Variants in SPAM1 observed in about 807,000 individuals in gnomAD.
SPAM1 encodes the protein hyaluronidase PH-20.
In SPAM1, 22 loss-of-function variants were observed where a neutral mutation model predicts 29.6. The ratio of observed to expected loss-of-function variants is 0.74; its 90% CI spans 0.53 to 1.06. The LOEUF is 1.06. SPAM1 is among the 50% of genes least tolerant of loss of function. The pLI is 0.00. For synonymous variants in SPAM1, 194 were observed against 204.6 expected (o/e 0.95, Z 0.44); for missense variants, 534 against 604.0 (o/e 0.88, Z 1.21).
chr7:123,942,203 T>C (rs1808451985), intron 1 of SPAM1, among the ~76,000 whole-genome samples: 1 of 152,156 alleles, frequency 6.6e-6, no homozygotes, highest in African/African-American at 2.4e-5. Flanking sequence ...AAAAGAGGAA[T>C]AGAAGAAAAA....
rs755330330 is a variant in SPAM1, at chr7:123,953,567, T to C, written c.-4T>C. ...AAATGTTTTCATAGTCATTACTCTT[T>C]ACAATGGGAGTGCTAAAATTCAAGC... On this transcript the variant is annotated 5_prime_UTR_variant, in exon 3 of 5. Transcript: ENST00000682466. The C allele has an allele frequency of 3.8e-6, 6 of 1,566,640 alleles. No homozygotes were observed. In the South Asian group the frequency reaches 6.0e-5, roughly 16 times the overall value.
At chr7:123,948,943 G>A (rs891508481) in intron 1 of SPAM1, among the ~76,000 whole-genome samples, 2 of 150,538 alleles carry the variant, frequency 1.3e-5, no homozygotes, top group Non-Finnish European at 2.9e-5. Flanking sequence ...TGGAAAAGAA[G>A]AGCTGAGGAC....
At chr7:123,963,033 T>C (rs1792381292), downstream of SPAM1, among the ~76,000 whole-genome samples, 1 of 151,916 alleles carries the variant, frequency 6.6e-6, no homozygotes, top group Non-Finnish European at 1.5e-5. Context: ...ATTTATTTTA[T>C]GGAAACTTTT....
intron 1 of SPAM1, among the ~76,000 whole-genome samples, chr7:123,938,503 A>G (rs191784396): frequency 6.6e-6 from 1 of 152,300 alleles, no homozygotes; most frequent in East Asian, 1.9e-4. Context: ...GAGCTAATAT[A>G]TATTTATTGG....
intron 4 of SPAM1, among the ~76,000 whole-genome samples, chr7:123,956,998 A>G (rs1792261654): frequency 1.3e-5 from 2 of 151,956 alleles, no homozygotes; most frequent in African/African-American, 2.4e-5. Context: ...TTCTCAAGCC[A>G]TTCTCATCCT....
At chr7:123,927,199 G>A (rs1465352904) in intron 1 of SPAM1, among the ~76,000 whole-genome samples, 1 of 152,032 alleles carries the variant, frequency 6.6e-6, no homozygotes, top group East Asian at 1.9e-4. Context: ...AGGAATTTGG[G>A]TAAGATAAAA....
chr7:123,928,220 C>T (rs192767111), intron 1 of SPAM1, among the ~76,000 whole-genome samples: 3,993 of 152,084 alleles, frequency 0.026, 104 homozygotes, highest in Admixed American at 0.062. Context: ...AATTACTTTT[C>T]CAGGTAACGC....
At chr7:123,956,818 A>C (rs1415263942) in intron 4 of SPAM1, among the ~76,000 whole-genome samples, 3 of 151,978 alleles carry the variant, frequency 2.0e-5, no homozygotes, top group African/African-American at 7.2e-5. Context: ...ATGGTGGTGT[A>C]CTTGATTCCC....
chr7:123,945,500 C>G (rs577486532), intron 1 of SPAM1, among the ~76,000 whole-genome samples: 2 of 152,260 alleles, frequency 1.3e-5, no homozygotes, highest in African/African-American at 2.4e-5. Flanking sequence ...ACAAGGTAAT[C>G]TTTGGTACCC....
chr7:123,959,526 A>C lies in SPAM1; in HGVS notation c.1087A>C (p.Asn363His), dbSNP rs200712152. ...LLDNYMETIL[N>H]PYIINVTLAA... ...AGACAATTACATGGAGACTATACTG[A>C]ATCCTTACATAATCAACGTCACACT... is the stretch of plus-strand genomic sequence containing the variant. Residue 363 changes from asparagine (N) to histidine (H), a missense_variant, in exon 5 of 5, where the codon AAT becomes CAT. Coordinates refer to ENST00000682466, the MANE Select transcript of SPAM1 (RefSeq NM_153189.3). The C allele has an allele frequency of 6.2e-7, 1 of 1,612,706 alleles. No homozygotes were observed. The highest frequency in any genetic ancestry group is 2.2e-5 in the East Asian group (1 of 44,810).
chr7:123,952,628 A>G (rs1349738951), intron 2 of SPAM1, among the ~76,000 whole-genome samples: 2 of 152,110 alleles, frequency 1.3e-5, no homozygotes, highest in Admixed American at 6.6e-5. Flanking sequence ...TCACAACACA[A>G]TCTTACTTAT....
chr7:123,936,742 G>T (rs534922801), intron 1 of SPAM1, among the ~76,000 whole-genome samples: 39 of 152,298 alleles, frequency 2.6e-4, no homozygotes, highest in African/African-American at 9.4e-4. Flanking sequence ...TTTAGCTAGA[G>T]ATGGTCTCAG....
chr7:123,933,282 C>T (rs1259270881), intron 1 of SPAM1, among the ~76,000 whole-genome samples: 1 of 151,930 alleles, frequency 6.6e-6, no homozygotes, highest in African/African-American at 2.4e-5. Context: ...CATGTGTTCT[C>T]ATTGTTCAAC....
At chr7:123,925,691 A>G (rs963595100) in intron 1 of SPAM1, among the ~76,000 whole-genome samples, 1 of 150,934 alleles carries the variant, frequency 6.6e-6, no homozygotes, top group Non-Finnish European at 1.5e-5. Context: ...AGCCGAGATC[A>G]TGCCACTACA....
chr7:123,930,695 A>C (rs1291547112), intron 1 of SPAM1, among the ~76,000 whole-genome samples: 1 of 152,176 alleles, frequency 6.6e-6, no homozygotes, highest in African/African-American at 2.4e-5. Context: ...GACTCCTTAT[A>C]GACTGGGACC....
At chr7:123,936,520 G>A (rs1808248414) in intron 1 of SPAM1, among the ~76,000 whole-genome samples, 1 of 152,176 alleles carries the variant, frequency 6.6e-6, no homozygotes. Flanking sequence ...AGAGCAGTTA[G>A]GGGGAATTGC....
At chr7:123,948,064 G>T (rs188209465) in intron 1 of SPAM1, among the ~76,000 whole-genome samples, 3 of 152,010 alleles carry the variant, frequency 2.0e-5, no homozygotes, top group Non-Finnish European at 1.5e-5. Context: ...AACTTATCTT[G>T]TTGAATCAAG....
At chr7:123,936,328 G>C (rs888180457) in intron 1 of SPAM1, among the ~76,000 whole-genome samples, 1 of 152,180 alleles carries the variant, frequency 6.6e-6, no homozygotes, top group Non-Finnish European at 1.5e-5. Flanking sequence ...GTTATTGATT[G>C]GTTGGGGTAA....
chr7:123,943,230 T>G (rs1808480521), intron 1 of SPAM1, among the ~76,000 whole-genome samples: 1 of 152,164 alleles, frequency 6.6e-6, no homozygotes, highest in South Asian at 2.1e-4. Flanking sequence ...CAGCTCTCTT[T>G]AAGAATCTTG....
Sources: gnomAD v4.1 joint callset for allele counts (sites outside exome capture counted in the v4.1 genomes callset) on GRCh38, gnomAD v4.1.1 for gene constraint, MANE v1.5 for transcripts, NCBI Gene and HGNC (gene_info 2026-07-23, HGNC 2026-07-21) for gene names.